The following ZSCAN20 variants were observed in gnomAD, a reference collection of about 807,000 sequenced individuals.
The protein encoded by ZSCAN20 is zinc finger and SCAN domain containing 20.
A neutral mutation model predicts 97.1 loss-of-function variants in ZSCAN20; 39 were observed. The observed-to-expected ratio is 0.40, with a 90% confidence interval of 0.31 to 0.52. The LOEUF (loss-of-function observed/expected upper bound fraction) is 0.52. Ranked by LOEUF, ZSCAN20 falls within the 20% of genes least tolerant of loss-of-function variation. The pLI is 0.49. For missense variants in ZSCAN20, 1,115 were observed against 1,290.4 expected (o/e 0.86, Z 2.08); for synonymous variants, 456 against 467.3 (o/e 0.98, Z 0.31).
intron 5 of ZSCAN20, among the ~76,000 whole-genome samples, chr1:33,489,828 A>G (rs1652526113): frequency 1.3e-5 from 2 of 152,114 alleles, no homozygotes; most frequent in South Asian, 2.1e-4. Flanking sequence ...CTCTGGGCAC[A>G]TTACCTTCCT....
At position 33,493,418 on chromosome 1, in the gene ZSCAN20, G is replaced by A. The variant is rs754670001; in HGVS notation, c.1676G>A (p.Cys559Tyr). Residue 559 changes from cysteine (C) to tyrosine (Y), a missense_variant, in exon 7 of 8, where the codon TGC becomes TAC. Cys to Tyr is a radical substitution (Grantham distance 194). Transcript: ENST00000684572. The surrounding 1 kb of genome is among the most constrained non-coding windows in gnomAD (Gnocchi z 4.3). ...AAGAGCAGCCACCCACCAGGGACAT[G>A]CCCTTTCTATGAGGAACTGGACTCG... Reference protein sequence around the residue: ...KAKSSHPPGTCPFYEELDSLM... With the variant: ...KAKSSHPPGTYPFYEELDSLM... The A allele has an allele frequency of 1.9e-6, 3 of 1,614,086 alleles. No individual in the cohort carries two copies. The highest frequency in any genetic ancestry group is 1.3e-5 in the African/African-American group (1 of 74,926).
At chr1:33,494,158 A>AACACACACAC (rs759118661) in intron 7 of ZSCAN20, 60 bp from the exon 8 acceptor site, 1 of 1,439,194 alleles carries the variant, frequency 6.9e-7, no homozygotes, top group Admixed American at 2.3e-5. Context: ...GACACACACA[A>AACACACACAC]ACACACACAC....
chr1:33,494,808 G>T lies in ZSCAN20; in HGVS notation c.2464G>T (p.Asp822Tyr). 1 of 1,614,140 alleles carries T rather than the reference G, an allele frequency of 6.2e-7. No homozygotes were observed. The highest frequency in any genetic ancestry group is 8.5e-7 in the Non-Finnish European group (1 of 1,180,020). ...GAGAATCCACTTGGGAGGAAATCCT[G>T]ACCAGTGTAGTGAGCCTGGGGGAAA... Reference protein sequence around the residue: ...HQRIHLGGNPDQCSEPGGNFA... With the variant: ...HQRIHLGGNPYQCSEPGGNFA... Residue 822 changes from aspartate (D) to tyrosine (Y), a missense_variant, in exon 8 of 8, where the codon GAC becomes TAC. By Grantham distance (160) the Asp-to-Tyr change is radical (BLOSUM62 -3). This residue lies in a region of ZSCAN20 where 554 missense variants were observed against 584.9 expected (regional missense o/e 0.95). Coordinates refer to ENST00000684572, the MANE Select transcript of ZSCAN20 (RefSeq NM_001377376.1).
At chr1:33,475,171 A>G (rs1269700139) in intron 1 of ZSCAN20, among the ~76,000 whole-genome samples, 2 of 152,260 alleles carry the variant, frequency 1.3e-5, no homozygotes, top group Non-Finnish European at 2.9e-5. Context: ...GACATGGTTA[A>G]GAAAAATGAT....
rs7547409 is a variant in ZSCAN20, at chr1:33,495,575, G to A, written c.*99G>A. 5.9e-4 allele frequency: 685 copies of A among 1,155,216 alleles called. 4 individuals carry two copies. In the African/African-American group the frequency reaches 9.5e-3, roughly 16 times the overall value. The allele number at this position is 1,155,216 out of a possible 1,614,324, so 71.6% of individuals were successfully genotyped here. A position where few individuals can be genotyped will look rare whatever the true frequency, so the allele number is the denominator to read the frequency against. ...ACTTTCCAATTTTTAAGCTTGGTGT[G>A]TACCCAGGGAAGTTATCTTGGTATA... On this transcript the variant is annotated 3_prime_UTR_variant, in exon 8 of 8. Transcript: ENST00000684572.
chr1:33,487,116 C>G (rs1652399271), intron 2 of ZSCAN20, among the ~76,000 whole-genome samples: 1 of 152,096 alleles, frequency 6.6e-6, no homozygotes, highest in Non-Finnish European at 1.5e-5. Context: ...TAGAAAGAAA[C>G]TCTAAAAGAA....
chr1:33,493,472 C>T lies in ZSCAN20; in HGVS notation c.1730C>T (p.Ala577Val). The T allele has an allele frequency of 1.2e-6, 2 of 1,614,182 alleles. No individual in the cohort carries two copies. Among genetic ancestry groups the T allele is most frequent in the Non-Finnish European group, 1.7e-6 (2 of 1,180,042 alleles). ...SLMRARAAVRAMGTVREAAGL... is the reference protein window; with the variant it reads ...SLMRARAAVRVMGTVREAAGL... ...ATGAGGGCTCGGGCTGCAGTCAGGGCCATGGGGACTGTCCGAGAGGCTGCA... is the reference window on the plus strand; with the variant it reads ...ATGAGGGCTCGGGCTGCAGTCAGGGTCATGGGGACTGTCCGAGAGGCTGCA... The change falls in exon 7 of 8, where the codon GCC becomes GTC. Residue 577 changes from alanine (A) to valine (V), a missense_variant. Physicochemically the swap from Ala to Val is moderately conservative, Grantham distance 64. Coordinates refer to ENST00000684572, the MANE Select transcript of ZSCAN20 (RefSeq NM_001377376.1). This position sits in a 1 kb window ranked among gnomAD's most constrained non-coding sequence, Gnocchi z 4.3.
At chr1:33,489,658 C>G in intron 5 of ZSCAN20, 56 bp downstream of exon 5, 1 of 1,529,584 alleles carries the variant, frequency 6.5e-7, no homozygotes, top group Admixed American at 1.7e-5. Flanking sequence ...ACACCCAGTT[C>G]CCAAAGAGGG....
chr1:33,478,576 C>A (rs1037823833), intron 1 of ZSCAN20, among the ~76,000 whole-genome samples: 1 of 151,954 alleles, frequency 6.6e-6, no homozygotes, highest in Admixed American at 6.6e-5. Flanking sequence ...CAGGTCCTTG[C>A]TGGAGTTTTA....
chr1:33,473,958 A>G (rs1163153467), intron 1 of ZSCAN20, among the ~76,000 whole-genome samples: 2 of 152,258 alleles, frequency 1.3e-5, no homozygotes, highest in African/African-American at 4.8e-5. Context: ...TTGCTATACC[A>G]GCCTTGAAGA....
chr1:33,488,872 T>C (rs921294526), intron 3 of ZSCAN20, among the ~76,000 whole-genome samples: 2 of 148,758 alleles, frequency 1.3e-5, no homozygotes, highest in African/African-American at 5.0e-5. Context: ...CTGCAGCAGG[T>C]GCAGGCTGGG....
In ZSCAN20 at chr1:33,491,396, G is replaced by C. The variant is rs201884495; in HGVS notation, c.1138G>C (p.Val380Leu). 1 of 1,614,040 alleles carries C rather than the reference G, an allele frequency of 6.2e-7. No individual in the cohort carries two copies. The highest frequency in any genetic ancestry group is 8.5e-7 in the Non-Finnish European group (1 of 1,180,032). ...GACACTGGAGCAATGTCGCTATAGG[G>C]TCAAAAACCTCCTACGGAATTACCG... ...LRTLEQCRYR[V>L]KNLLRNYRKA... Residue 380 changes from valine to leucine, a missense_variant, in exon 6 of 8, where the codon GTC becomes CTC. Transcript: ENST00000684572. This position sits in a 1 kb window ranked among gnomAD's most constrained non-coding sequence, Gnocchi z 4.3.
In ZSCAN20 at chr1:33,491,531, G is replaced by A. The variant is rs769289470; in HGVS notation, c.1273G>A (p.Val425Met). The change falls in exon 6 of 8, where the codon GTG becomes ATG. Residue 425 changes from valine to methionine, a missense_variant. By Grantham distance (21) the Val-to-Met change is conservative. Transcript: ENST00000684572. The surrounding 1 kb of genome is among the most constrained non-coding windows in gnomAD (Gnocchi z 4.3). ...AGCCACAGATGGCCCAGGAGAGGCC[G>A]TGGCACTTCCCAGGCTCGGGTATAG... ...IRATDGPGEAVALPRLGYSDA... is the reference protein window; with the variant it reads ...IRATDGPGEAMALPRLGYSDA... 7 of 1,613,978 alleles carry A rather than the reference G, an allele frequency of 4.3e-6. No individual in the cohort carries two copies. The South Asian group carries it at 5.5e-5, about 13-fold the overall frequency.
At chr1:33,474,018 C>A (rs962884698) in intron 1 of ZSCAN20, among the ~76,000 whole-genome samples, 6 of 152,198 alleles carry the variant, frequency 3.9e-5, no homozygotes, top group African/African-American at 1.4e-4. Context: ...CTTCCTCTGC[C>A]TGGCAAGGCT....
intron 2 of ZSCAN20, among the ~76,000 whole-genome samples, chr1:33,482,987 C>T (rs568398201): frequency 2.0e-4 from 30 of 152,244 alleles, no homozygotes; most frequent in Non-Finnish European, 3.4e-4. Flanking sequence ...ATGTGTTTTG[C>T]AAATATATTC....
At position 33,485,529 on chromosome 1, in the gene ZSCAN20, C is replaced by T. The variant is rs573724074; in HGVS notation, c.418-2936C>T. On this transcript the variant is annotated intron_variant, in intron 2 of 7. Coordinates refer to ENST00000684572, the MANE Select transcript of ZSCAN20 (RefSeq NM_001377376.1). ...GACTTAAGCAACCCTCCTGCCTCAG[C>T]CCCCTGTAGCTGGGACTACAGGACC... Among the ~76,000 whole-genome samples the T allele has an allele frequency of 4.9e-4, 32 of 65,036 alleles. No individual in the cohort carries two copies. The East Asian group carries it at 0.011, about 22-fold the overall frequency. The allele number at this position is 65,036 out of a possible 152,430, so 42.7% of individuals were successfully genotyped here. A position where few individuals can be genotyped will look rare whatever the true frequency, so the allele number is the denominator to read the frequency against.
At chr1:33,494,032 A>C (rs1652732269) in intron 7 of ZSCAN20, among the ~76,000 whole-genome samples, 186 bp from the exon 8 acceptor site, 2 of 152,248 alleles carry the variant, frequency 1.3e-5, no homozygotes, top group Non-Finnish European at 2.9e-5. Context: ...TGCAGGTCAC[A>C]AACACTTGTG....
chr1:33,482,878 T>C (rs1390707347), intron 2 of ZSCAN20, among the ~76,000 whole-genome samples: 1 of 152,270 alleles, frequency 6.6e-6, no homozygotes, highest in Non-Finnish European at 1.5e-5. Context: ...GTGTGGTGAC[T>C]GTTAAAGTCT....
At position 33,479,030 on chromosome 1, in the gene ZSCAN20, G is replaced by C. The variant is rs562885563; in HGVS notation, c.-110-149G>C. On this transcript the variant is annotated intron_variant, in intron 1 of 7. Coordinates refer to ENST00000684572, the MANE Select transcript of ZSCAN20 (RefSeq NM_001377376.1). The stretch of plus-strand genomic sequence containing the variant: ...GTAGGTGCTACTGGCTTTGGTGCCA[G>C]ATTGTGGCCTTACTTCCTGCCTATG... 10 of 383,090 alleles carry C rather than the reference G, an allele frequency of 2.6e-5. No homozygotes were observed. The South Asian group carries it at 7.6e-4, about 29-fold the overall frequency. 23.7% of individuals were successfully genotyped at this position (383,090 alleles called of 1,614,324 possible).
Sources: gnomAD v4.1 joint callset for allele counts (sites outside exome capture counted in the v4.1 genomes callset) on GRCh38, gnomAD v4.1.1 for gene constraint, gnomAD v4.1.1 regional missense constraint, Gnocchi (gnomAD v3.1) non-coding constraint, MANE v1.5 for transcripts, NCBI Gene and HGNC (gene_info 2026-07-23, HGNC 2026-07-21) for gene names.